The following KLHL2 variants were observed in gnomAD, a reference collection of about 807,000 sequenced individuals.
The protein encoded by KLHL2 is kelch-like protein 2.
KLHL2 carries 15 observed loss-of-function variants against 75.8 expected under a neutral mutation model. The ratio of observed to expected loss-of-function variants is 0.20; its 90% CI spans 0.13 to 0.30. The LOEUF is 0.30. KLHL2 is among the 10% of genes least tolerant of loss of function. The pLI, the probability that KLHL2 is intolerant of heterozygous loss-of-function variation, is 1.00. For missense variants in KLHL2, 381 were observed against 741.0 expected (o/e 0.51, Z 5.64); for synonymous variants, 214 against 251.9 (o/e 0.85, Z 1.42).
intron 5 of KLHL2, chr4:165,279,687 T>C (rs1317041988): frequency 1.3e-6 from 2 of 1,545,284 alleles, no homozygotes; most frequent in Non-Finnish European, 1.8e-6. Context: ...GCCGGTTTCC[T>C]GGGTGACGGC....
rs181916792 is a variant in KLHL2, at chr4:165,312,430, T to A, written c.1340-808T>A. ...GGCTCTAAGTATTATTATTATTATTTTTTTTTAATTGACTTGGGCAAATTT... is the reference window on the plus strand; with the variant it reads ...GGCTCTAAGTATTATTATTATTATTATTTTTTAATTGACTTGGGCAAATTT... On this transcript the variant is annotated intron_variant, in intron 11 of 14. Transcript: ENST00000226725. 5.0e-3 allele frequency among the ~76,000 whole-genome samples: 744 copies of A among 148,646 alleles called. 4 individuals carry two copies. The highest frequency in any genetic ancestry group is 0.012 in the Admixed American group (186 of 15,090).
At chr4:165,257,380 A>G (rs1163753327) in intron 4 of KLHL2, among the ~76,000 whole-genome samples, 1 of 152,228 alleles carries the variant, frequency 6.6e-6, no homozygotes, top group Non-Finnish European at 1.5e-5. Context: ...TCTTCCTTTG[A>G]TGCATTCTCC....
chr4:165,307,964 G>GCTGCCA (rs529792785), intron 9 of KLHL2, among the ~76,000 whole-genome samples: 10 of 152,188 alleles, frequency 6.6e-5, no homozygotes, highest in Admixed American at 2.0e-4. Flanking sequence ...TTGATGAAAT[G>GCTGCCA]CTGCCTTTAT....
intron 4 of KLHL2, among the ~76,000 whole-genome samples, chr4:165,248,336 A>T (rs1165303234): frequency 6.6e-6 from 1 of 152,300 alleles, no homozygotes; most frequent in South Asian, 2.1e-4. Flanking sequence ...CATGATGACA[A>T]CACTCTGGGG....
intron 1 of KLHL2, among the ~76,000 whole-genome samples, chr4:165,218,594 C>A (rs1013499703): frequency 5.9e-5 from 9 of 152,098 alleles, no homozygotes; most frequent in Non-Finnish European, 1.0e-4. Context: ...CAGTTGCTTC[C>A]CTGACTTGTG....
intron 4 of KLHL2, among the ~76,000 whole-genome samples, chr4:165,239,348 G>A (rs756676806): frequency 1.3e-5 from 2 of 149,306 alleles, no homozygotes; most frequent in African/African-American, 2.5e-5. Context: ...ATGCAGCCTC[G>A]ACCTCCTAGG....
At chr4:165,296,641 G>A (rs1279410509) in intron 6 of KLHL2, among the ~76,000 whole-genome samples, 2 of 152,106 alleles carry the variant, frequency 1.3e-5, no homozygotes, top group African/African-American at 4.8e-5. Flanking sequence ...CAGATGAGAG[G>A]ATGTTGAAGT....
At chr4:165,220,793 G>T (rs1168480543) in intron 2 of KLHL2, among the ~76,000 whole-genome samples, 2 of 152,288 alleles carry the variant, frequency 1.3e-5, no homozygotes, top group Admixed American at 1.3e-4. Context: ...GCAGTGACCT[G>T]CCTGTTGCTG....
At chr4:165,301,680 G>C (rs779504706) in intron 8 of KLHL2, among the ~76,000 whole-genome samples, 1 of 152,104 alleles carries the variant, frequency 6.6e-6, no homozygotes. Context: ...TGAGTTTAAG[G>C]TTGCCATTTA....
chr4:165,215,402 C>T (rs1737473763), intron 1 of KLHL2, among the ~76,000 whole-genome samples: 2 of 152,158 alleles, frequency 1.3e-5, no homozygotes, highest in Admixed American at 1.3e-4. Context: ...AGTAAGATGC[C>T]TGCTTCTGAA....
chr4:165,311,809 C>CT (rs1367964726), intron 11 of KLHL2, among the ~76,000 whole-genome samples: 2 of 144,790 alleles, frequency 1.4e-5, no homozygotes, highest in Non-Finnish European at 3.1e-5. Flanking sequence ...TCCTTTCTCT[C>CT]TGTGTGTGTG....
Position 165,208,919 on chromosome 4 carries a change from T to C in KLHL2, c.26+1017T>C, listed in dbSNP as rs568063165. 3.3e-5 allele frequency among the ~76,000 whole-genome samples: 5 copies of C among 152,326 alleles called. No individual in the cohort carries two copies. The South Asian group carries it at 1.0e-3, about 32-fold the overall frequency. On this transcript the variant is annotated intron_variant, in intron 1 of 14. Transcript: ENST00000226725. ...CCGATTGTACCGCACCAGTCTCTTG[T>C]GGTTATTTGGCAGAATTCCAGCCAA...
intron 11 of KLHL2, 21 bp from the exon 12 acceptor site, chr4:165,313,213 GCTTT>G (rs755488603): frequency 1.0e-5 from 16 of 1,589,726 alleles, no homozygotes; most frequent in Admixed American, 1.9e-5. Context: ...AATAAATTTG[GCTTT>G]CTATGTGATT....
chr4:165,287,938 G>A (rs754053749), intron 5 of KLHL2, among the ~76,000 whole-genome samples: 2 of 152,054 alleles, frequency 1.3e-5, no homozygotes, highest in Non-Finnish European at 2.9e-5. Flanking sequence ...TACATGACTT[G>A]CAAATATTTT....
intron 2 of KLHL2, among the ~76,000 whole-genome samples, chr4:165,221,753 G>A (rs185484485): frequency 2.7e-4 from 41 of 152,264 alleles, no homozygotes; most frequent in African/African-American, 8.9e-4. Context: ...TTCTAGTACC[G>A]CTTTGACAAC....
intron 1 of KLHL2, among the ~76,000 whole-genome samples, chr4:165,214,477 T>C (rs1737401503): frequency 6.6e-6 from 1 of 152,186 alleles, no homozygotes; most frequent in African/African-American, 2.4e-5. Context: ...GTTTGTCATG[T>C]AGGTGGGAGG....
At chr4:165,313,626 T>G (rs1055555293) in intron 12 of KLHL2, among the ~76,000 whole-genome samples, 3 of 152,184 alleles carry the variant, frequency 2.0e-5, no homozygotes, top group African/African-American at 7.2e-5. Flanking sequence ...TTTAGTTTTT[T>G]GTTTTTAGTG....
At chr4:165,238,704 T>A in intron 3 of KLHL2, 74 bp from the exon 4 acceptor site, 1 of 1,595,096 alleles carries the variant, frequency 6.3e-7, no homozygotes, top group East Asian at 2.3e-5. Flanking sequence ...AGAAGATGTA[T>A]CAATCTACAT....
intron 5 of KLHL2, among the ~76,000 whole-genome samples, chr4:165,286,056 A>T (rs1744068307): frequency 6.6e-6 from 1 of 152,194 alleles, no homozygotes; most frequent in African/African-American, 2.4e-5. Context: ...AACTTGATTT[A>T]TGTTGAGAGG....
Sources: allele counts gnomAD v4.1 joint callset (sites outside exome capture counted in the v4.1 genomes callset), GRCh38; gene constraint gnomAD v4.1.1; transcripts MANE v1.5; gene names NCBI Gene and HGNC (gene_info 2026-07-23, HGNC 2026-07-21).